The following EPS15 variants were observed in gnomAD, a reference collection of about 807,000 sequenced individuals.
The protein encoded by EPS15 is epidermal growth factor receptor pathway substrate 15.
In EPS15, 72 loss-of-function variants were observed where a neutral mutation model predicts 113.8. The observed-to-expected ratio is 0.63, with a 90% CI of 0.52 to 0.77. The LOEUF is 0.77. EPS15 is among the 30% of genes least tolerant of loss of function. The pLI, the probability that EPS15 is intolerant of heterozygous loss-of-function variation, is 0.00. For missense variants in EPS15, 1,048 were observed against 1,045.8 expected, an observed-to-expected ratio of 1.00 and a Z score of -0.03; for synonymous variants, 344 against 363.4, an observed-to-expected ratio of 0.95 and a Z score of 0.61.
intron 13 of EPS15, among the ~76,000 whole-genome samples, chr1:51,418,606 T>A (rs950170902): frequency 6.6e-6 from 1 of 152,076 alleles, no homozygotes; most frequent in Non-Finnish European, 1.5e-5. Context: ...AAGAGTCCTA[T>A]GTCCAAGAGG....
intron 12 of EPS15, among the ~76,000 whole-genome samples, chr1:51,439,426 C>T (rs1296793144): frequency 6.6e-6 from 1 of 151,980 alleles, no homozygotes; most frequent in African/African-American, 2.4e-5. Flanking sequence ...TATCTCAATA[C>T]TGTCAGTAAA....
rs573674231 is a variant in EPS15, at chr1:51,496,512, T to C, written c.34-15198A>G. 4.6e-5 allele frequency among the ~76,000 whole-genome samples: 7 copies of C among 152,296 alleles called. No individual in the cohort carries two copies. In the East Asian group the frequency reaches 1.4e-3, roughly 29 times the overall value. ...AAGCATACTTTTTATTCACCTACAATTGCATACATTTATTCATCATTTTCC... is the reference window on the plus strand; with the variant it reads ...AAGCATACTTTTTATTCACCTACAACTGCATACATTTATTCATCATTTTCC... On this transcript the variant is annotated intron_variant, in intron 1 of 24. Transcript: ENST00000371733.
intron 1 of EPS15, among the ~76,000 whole-genome samples, chr1:51,512,101 G>T (rs967245853): frequency 6.6e-6 from 1 of 152,074 alleles, no homozygotes; most frequent in African/African-American, 2.4e-5. Flanking sequence ...AAAATATTCA[G>T]AAGTTCACAT....
At position 51,356,138 on chromosome 1, in the gene EPS15, T is replaced by C. The variant is rs1052305345; in HGVS notation, c.*562A>G. On this transcript the variant is annotated 3_prime_UTR_variant, in exon 25 of 25. Coordinates refer to ENST00000371733, the MANE Select transcript of EPS15 (RefSeq NM_001981.3). ...TTCAACCTACAGCATCCCTTTTCCA[T>C]AGTGGAGTAAATCTGTGCAAAATAT... The C allele has an allele frequency of 1.9e-5, 4 of 207,902 alleles. No homozygotes were observed. Among genetic ancestry groups the C allele is most frequent in the East Asian group, 1.5e-4 (2 of 13,650 alleles). The allele number at this position is 207,902 out of a possible 1,614,324, so 12.9% of individuals were successfully genotyped here. A position where few individuals can be genotyped will look rare whatever the true frequency, so the allele number is the denominator to read the frequency against.
At chr1:51,443,575 A>G (rs1652767439) in intron 11 of EPS15, among the ~76,000 whole-genome samples, 1 of 152,130 alleles carries the variant, frequency 6.6e-6, no homozygotes, top group Non-Finnish European at 1.5e-5. Flanking sequence ...AAACTTCTAT[A>G]AGTAACTCTC....
At chr1:51,469,208 A>C (rs1655073740) in intron 4 of EPS15, among the ~76,000 whole-genome samples, 1 of 152,212 alleles carries the variant, frequency 6.6e-6, no homozygotes, top group Non-Finnish European at 1.5e-5. Flanking sequence ...ATGAGAAAAA[A>C]AGAATTAGAG....
At chr1:51,465,208 G>A (rs1654757245) in intron 6 of EPS15, 53 bp downstream of exon 6, 1 of 1,069,200 alleles carries the variant, frequency 9.4e-7, no homozygotes, top group Non-Finnish European at 1.4e-6. Context: ...GGTAGAGAGA[G>A]AGTAGATAGG....
chr1:51,510,577 T>TA (rs1411804211), intron 1 of EPS15, among the ~76,000 whole-genome samples: 1 of 152,218 alleles, frequency 6.6e-6, no homozygotes, highest in African/African-American at 2.4e-5. Context: ...TATTGATACT[T>TA]AGCCCACTAG....
At chr1:51,382,572 C>A (rs1646966913) in intron 21 of EPS15, among the ~76,000 whole-genome samples, 1 of 151,894 alleles carries the variant, frequency 6.6e-6, no homozygotes, top group Non-Finnish European at 1.5e-5. Flanking sequence ...GCGCCCACCA[C>A]CACGCCTGGC....
At chr1:51,408,924 C>T (rs1226858659) in intron 14 of EPS15, among the ~76,000 whole-genome samples, 3 of 151,918 alleles carry the variant, frequency 2.0e-5, no homozygotes, top group African/African-American at 4.8e-5. Context: ...CTCAGCCTGC[C>T]GAGTAGCTGG....
intron 19 of EPS15, 84 bp from the exon 20 acceptor site, chr1:51,399,249 TTAA>T: frequency 7.5e-7 from 1 of 1,333,292 alleles, no homozygotes; most frequent in Non-Finnish European, 1.0e-6. Context: ...GATCAGTGCC[TTAA>T]TTAAAAGACA....
At chr1:51,443,118 G>A (rs1357268090) in intron 11 of EPS15, among the ~76,000 whole-genome samples, 5 of 152,094 alleles carry the variant, frequency 3.3e-5, no homozygotes, top group Non-Finnish European at 7.4e-5. Context: ...GACATAAATA[G>A]ACAAACGTAT....
At chr1:51,457,683 G>C (rs1046077213) in intron 8 of EPS15, 1 of 151,902 alleles carries the variant, frequency 6.6e-6, no homozygotes, top group Non-Finnish European at 1.5e-5. Context: ...CAAAAGTTTT[G>C]ACTGTAACTT....
intron 21 of EPS15, among the ~76,000 whole-genome samples, chr1:51,383,436 G>A (rs1646986313): frequency 6.6e-6 from 1 of 152,162 alleles, no homozygotes; most frequent in African/African-American, 2.4e-5. Flanking sequence ...TAGGACTTGG[G>A]GGTGGGATGA....
intron 1 of EPS15, among the ~76,000 whole-genome samples, chr1:51,498,697 T>C (rs1644366743): frequency 6.6e-6 from 1 of 152,208 alleles, no homozygotes; most frequent in Admixed American, 6.5e-5. Flanking sequence ...TTTCCAGATT[T>C]TTTTCATCTT....
In EPS15 at chr1:51,364,396, A is replaced by G. The variant is rs566543885; in HGVS notation, c.2197-368T>C. Among the ~76,000 whole-genome samples, 13 of 152,178 alleles carry G rather than the reference A, an allele frequency of 8.5e-5. No individual in the cohort carries two copies. The South Asian group carries it at 1.9e-3, about 22-fold the overall frequency. ...ATCTGATCTAAATGGTAATCAAAGG[A>G]AAAAAAATGGATTCCATACGTCCTA... On this transcript the variant is annotated intron_variant, in intron 22 of 24. Transcript: ENST00000371733.
chr1:51,361,127 T>A, intron 24 of EPS15, 44 bp downstream of exon 24: 1 of 1,440,638 alleles, frequency 6.9e-7, no homozygotes, highest in Non-Finnish European at 9.6e-7. Flanking sequence ...CTCTGAAAAC[T>A]CTTTAAAGAT....
intron 4 of EPS15, among the ~76,000 whole-genome samples, chr1:51,468,992 T>A (rs1236122030): frequency 6.6e-6 from 1 of 152,036 alleles, no homozygotes; most frequent in Non-Finnish European, 1.5e-5. Flanking sequence ...TAGCCAGGTG[T>A]GGTGGCGTGC....
intron 21 of EPS15, among the ~76,000 whole-genome samples, chr1:51,371,746 T>C (rs1422937296): frequency 6.6e-6 from 1 of 152,220 alleles, no homozygotes; most frequent in African/African-American, 2.4e-5. Flanking sequence ...ACAGTGTTTA[T>C]AAAGTTTACA....
Sources: allele counts gnomAD v4.1 joint callset (sites outside exome capture counted in the v4.1 genomes callset), GRCh38; gene constraint gnomAD v4.1.1; transcripts MANE v1.5; gene names NCBI Gene and HGNC (gene_info 2026-07-23, HGNC 2026-07-21).